TENM4: variants seen among roughly 807,000 people sequenced by gnomAD.
The protein encoded by TENM4 is teneurin transmembrane protein 4.
TENM4 carries 82 observed loss-of-function variants against 243.3 expected under a neutral mutation model. The observed-to-expected ratio is 0.34, with a 90% CI of 0.28 to 0.40. The LOEUF is 0.40. Among genes scored for constraint, TENM4 ranks in the 10% least tolerant of loss-of-function variants. The pLI is 1.00. For missense variants in TENM4, 3,138 were observed against 3,673.3 expected, an observed-to-expected ratio of 0.85 and a Z score of 3.77; for synonymous variants, 1,412 against 1,456.3, an observed-to-expected ratio of 0.97 and a Z score of 0.69.
At chr11:78,729,769 G>A in intron 21 of TENM4, 126 bp from the exon 22 acceptor site, 1 of 1,266,342 alleles carries the variant, frequency 7.9e-7, no homozygotes, top group Non-Finnish European at 1.1e-6. Flanking sequence ...AGAGAGGAGG[G>A]GAAAAAAAGA....
chr11:78,759,678 CGAT>C (rs1856389259), intron 18 of TENM4, among the ~76,000 whole-genome samples: 2 of 152,050 alleles, frequency 1.3e-5, no homozygotes, highest in African/African-American at 4.8e-5. Context: ...ACAGTGATGG[CGAT>C]GATGATGATG....
Position 78,805,277 on chromosome 11 carries a change from T to TGCCCCCCCCCCCCCCCCCCCCCCCC in TENM4, c.2179+14_2179+15insGGGGGGGGGGGGGGGGGGGGGGGGC. The TGCCCCCCCCCCCCCCCCCCCCCCCC allele has an allele frequency of 5.0e-6, 7 of 1,402,548 alleles. No individual in the cohort carries two copies. The highest frequency in any genetic ancestry group is 6.2e-5 in the East Asian group (2 of 32,218). The allele number at this position is 1,402,548 out of a possible 1,614,324, so 86.9% of individuals were successfully genotyped here. Reference sequence around the variant, plus strand: ...CCCCTCCCTCTACCCATGCTTCTTCTCCCCCTGCATTTACCGATAGAACAG... The same window carrying TGCCCCCCCCCCCCCCCCCCCCCCCC: ...CCCCTCCCTCTACCCATGCTTCTTCTGCCCCCCCCCCCCCCCCCCCCCCCCCCCCCTGCATTTACCGATAGAACAG... On this transcript the variant is annotated intron_variant, in intron 15 of 33. Transcript: ENST00000278550.
At position 79,424,915 on chromosome 11, in the gene TENM4, C is replaced by T. The variant is rs1182818243; in HGVS notation, c.-321+15594G>A. On this transcript the variant is annotated intron_variant, in intron 1 of 33. Coordinates refer to ENST00000278550, the MANE Select transcript of TENM4 (RefSeq NM_001098816.3). Reference sequence around the variant, plus strand: ...CACCACTGCACTCCAGCCTGGGAGACAGAATGAGACTCCATTTCACACACA... The same window carrying T: ...CACCACTGCACTCCAGCCTGGGAGATAGAATGAGACTCCATTTCACACACA... Among the ~76,000 whole-genome samples the T allele has an allele frequency of 2.6e-5, 4 of 152,158 alleles. No individual in the cohort carries two copies. In the East Asian group the frequency reaches 7.7e-4, roughly 29 times the overall value.
intron 4 of TENM4, among the ~76,000 whole-genome samples, chr11:79,145,638 T>C (rs1349926567): frequency 6.6e-6 from 1 of 152,148 alleles, no homozygotes; most frequent in African/African-American, 2.4e-5. Context: ...TGTGTACATA[T>C]CTCAGGGGTA....
At chr11:79,424,660 C>T (rs1859010350) in intron 1 of TENM4, among the ~76,000 whole-genome samples, 1 of 151,216 alleles carries the variant, frequency 6.6e-6, no homozygotes, top group Non-Finnish European at 1.5e-5. Flanking sequence ...AAAAGGCTGG[C>T]ACAGAGGCTC....
intron 4 of TENM4, among the ~76,000 whole-genome samples, chr11:79,118,584 C>T (rs950964547): frequency 6.6e-6 from 1 of 152,096 alleles, no homozygotes; most frequent in African/African-American, 2.4e-5. Flanking sequence ...CCCTGGCAAC[C>T]ACCCTTCTAC....
intron 12 of TENM4, among the ~76,000 whole-genome samples, chr11:78,846,000 A>G (rs1478638611): frequency 6.6e-6 from 1 of 152,158 alleles, no homozygotes; most frequent in Non-Finnish European, 1.5e-5. Context: ...GTGTGATGCC[A>G]TGGTCTCTAA....
chr11:79,044,126 CT>C (rs1227832099), intron 6 of TENM4, among the ~76,000 whole-genome samples: 1 of 152,138 alleles, frequency 6.6e-6, no homozygotes. Context: ...AAAGAATGGC[CT>C]CATTAGACCA....
intron 26 of TENM4, among the ~76,000 whole-genome samples, chr11:78,708,950 C>CCA (rs1555068550): frequency 2.3e-5 from 3 of 128,166 alleles, no homozygotes; most frequent in South Asian, 2.4e-4. Context: ...AACCATTTTT[C>CCA]TTTTCTTTCT....
At chr11:79,284,432 G>C (rs1001821102) in intron 2 of TENM4, among the ~76,000 whole-genome samples, 1 of 152,152 alleles carries the variant, frequency 6.6e-6, no homozygotes, top group African/African-American at 2.4e-5. Context: ...TTTTTGACAA[G>C]AGTACCAAGA....
chr11:78,993,091 C>G (rs978614644), intron 6 of TENM4, among the ~76,000 whole-genome samples: 1 of 152,104 alleles, frequency 6.6e-6, no homozygotes, highest in Non-Finnish European at 1.5e-5. Context: ...CTATTGGCAA[C>G]ATGTTGTGAT....
chr11:79,382,092 A>G (rs1327488926), intron 1 of TENM4, among the ~76,000 whole-genome samples: 5 of 152,188 alleles, frequency 3.3e-5, no homozygotes, highest in African/African-American at 1.2e-4. Flanking sequence ...TTACAACACA[A>G]TTTTCCGAAG....
chr11:78,975,617 CATAT>C (rs751405946), intron 6 of TENM4, among the ~76,000 whole-genome samples: 1,647 of 64,950 alleles, frequency 0.025, 30 homozygotes, highest in African/African-American at 0.091. Context: ...CACACACACA[CATAT>C]ATATATATAT....
intron 3 of TENM4, among the ~76,000 whole-genome samples, chr11:79,167,208 G>A (rs1374457176): frequency 6.6e-6 from 1 of 152,206 alleles, no homozygotes; most frequent in Non-Finnish European, 1.5e-5. Flanking sequence ...TTGCGAGGTG[G>A]CTGCCACACC....
chr11:79,192,013 C>T (rs1269272757), intron 3 of TENM4, among the ~76,000 whole-genome samples: 2 of 151,760 alleles, frequency 1.3e-5, no homozygotes, highest in African/African-American at 4.8e-5. Context: ...GCCCGGCTGC[C>T]CCTACTGGGA....
At chr11:79,228,807 T>G (rs1021342780) in intron 2 of TENM4, among the ~76,000 whole-genome samples, 1 of 152,238 alleles carries the variant, frequency 6.6e-6, no homozygotes, top group Non-Finnish European at 1.5e-5. Context: ...AACACCTAGT[T>G]TTCCCCATAT....
chr11:78,701,400 A>T, intron 28 of TENM4, 126 bp downstream of exon 28: 1 of 1,234,654 alleles, frequency 8.1e-7, no homozygotes, highest in Non-Finnish European at 1.1e-6. Flanking sequence ...AACATGTAGA[A>T]TGTATTATAA....
chr11:78,847,899 A>G (rs973135838), intron 12 of TENM4, among the ~76,000 whole-genome samples: 4 of 152,214 alleles, frequency 2.6e-5, no homozygotes, highest in African/African-American at 9.6e-5. Flanking sequence ...TTCTCTCCGG[A>G]TCTTTGCAAA....
intron 7 of TENM4, among the ~76,000 whole-genome samples, chr11:78,897,966 C>T (rs935025955): frequency 6.6e-6 from 1 of 152,214 alleles, no homozygotes; most frequent in African/African-American, 2.4e-5. Flanking sequence ...CAGCCTTCTG[C>T]TCTGACTTCC....
Sources: allele counts gnomAD v4.1 joint callset (sites outside exome capture counted in the v4.1 genomes callset), GRCh38; gene constraint gnomAD v4.1.1; transcripts MANE v1.5; gene names NCBI Gene and HGNC (gene_info 2026-07-23, HGNC 2026-07-21).